Variants in BBS9 observed in about 807,000 individuals in gnomAD.
The protein encoded by BBS9 is protein PTHB1.
In BBS9, 89 loss-of-function variants were observed where a neutral mutation model predicts 117.7. The observed-to-expected ratio is 0.76, with a 90% CI of 0.64 to 0.90. The LOEUF (loss-of-function observed/expected upper bound fraction) is 0.90, where lower values mean the gene tolerates loss of function less well. Ranked by LOEUF, BBS9 falls within the 40% of genes least tolerant of loss-of-function variation. BBS9 has a pLI of 0.00. For missense variants in BBS9, 982 were observed against 1,042.2 expected (o/e 0.94, Z 0.80); for synonymous variants, 379 against 370.9 (o/e 1.02, Z -0.25).
chr7:33,237,992 G>C (rs937553059), intron 5 of BBS9, among the ~76,000 whole-genome samples: 13 of 152,264 alleles, frequency 8.5e-5, no homozygotes, highest in African/African-American at 3.1e-4. Context: ...CTCAAGAATA[G>C]AGAGCCATTT....
At chr7:33,274,961 C>T (rs1800475407) in intron 9 of BBS9, among the ~76,000 whole-genome samples, 1 of 146,772 alleles carries the variant, frequency 6.8e-6, no homozygotes, top group Non-Finnish European at 1.5e-5. Context: ...CACCACTGCA[C>T]TCCAGCCTGG....
intron 19 of BBS9, among the ~76,000 whole-genome samples, chr7:33,416,138 A>G (rs1831976819): frequency 6.6e-6 from 1 of 152,116 alleles, no homozygotes; most frequent in African/African-American, 2.4e-5. Flanking sequence ...CTGGCTTCAC[A>G]TAGTGTTTCT....
intron 9 of BBS9, among the ~76,000 whole-genome samples, chr7:33,294,345 C>CTATG (rs1554402530): frequency 3.0e-4 from 39 of 129,656 alleles, no homozygotes; most frequent in African/African-American, 1.0e-3. Context: ...ATCTATCTAT[C>CTATG]TATCTATCTC....
At chr7:33,441,703 G>C (rs1836219852) in intron 19 of BBS9, among the ~76,000 whole-genome samples, 2 of 152,030 alleles carry the variant, frequency 1.3e-5, no homozygotes, top group Non-Finnish European at 2.9e-5. Flanking sequence ...ACTAATGTAT[G>C]CTTTCATGAC....
intron 21 of BBS9, among the ~76,000 whole-genome samples, chr7:33,558,178 C>A (rs1855567978): frequency 6.6e-6 from 1 of 152,032 alleles, no homozygotes; most frequent in African/African-American, 2.4e-5. Flanking sequence ...TTATGGGGAA[C>A]AAAATAGACA....
intron 21 of BBS9, among the ~76,000 whole-genome samples, chr7:33,590,451 G>GTTTTT (rs1554551637): frequency 1.2e-5 from 1 of 84,492 alleles, no homozygotes; most frequent in Non-Finnish European, 2.1e-5. Flanking sequence ...TTGTTTTTTT[G>GTTTTT]TTTTTTTGTT....
chr7:33,260,014 T>TTG (rs1797710430), intron 6 of BBS9, among the ~76,000 whole-genome samples: 4 of 151,620 alleles, frequency 2.6e-5, no homozygotes. Context: ...CTTTTTTTTT[T>TTG]TTTGAGACTG....
chr7:33,362,044 T>C (rs1381921200), intron 16 of BBS9, among the ~76,000 whole-genome samples: 2 of 152,168 alleles, frequency 1.3e-5, no homozygotes, highest in Non-Finnish European at 2.9e-5. Flanking sequence ...TATTAGTAAT[T>C]CCTTATCCTG....
intron 4 of BBS9, among the ~76,000 whole-genome samples, chr7:33,172,800 G>A (rs1280135843): frequency 6.6e-6 from 1 of 152,092 alleles, no homozygotes; most frequent in African/African-American, 2.4e-5. Flanking sequence ...TAAGATTTTA[G>A]GCCTAAATAT....
intron 5 of BBS9, among the ~76,000 whole-genome samples, chr7:33,183,965 T>TA: frequency 6.6e-6 from 1 of 152,238 alleles, no homozygotes; most frequent in Non-Finnish European, 1.5e-5. Flanking sequence ...CAGAATATAG[T>TA]AAAAAACATT....
At chr7:33,472,557 G>T (rs1171636001) in intron 19 of BBS9, among the ~76,000 whole-genome samples, 1 of 152,186 alleles carries the variant, frequency 6.6e-6, no homozygotes. Context: ...TAACATGGAG[G>T]TTAGGTAGTG....
At chr7:33,548,258 A>G (rs1853738037) in intron 21 of BBS9, among the ~76,000 whole-genome samples, 1 of 152,172 alleles carries the variant, frequency 6.6e-6, no homozygotes, top group South Asian at 2.1e-4. Flanking sequence ...TAGCTTTTGA[A>G]AGACATCACT....
intron 21 of BBS9, among the ~76,000 whole-genome samples, chr7:33,549,578 C>G (rs1455476403): frequency 1.3e-5 from 2 of 150,754 alleles, no homozygotes; most frequent in African/African-American, 4.9e-5. Flanking sequence ...AACAAATTTA[C>G]AAGAAAAAAA....
In BBS9 at chr7:33,228,333, T is replaced by A. The variant is rs190406420; in HGVS notation, c.443-28903T>A. On this transcript the variant is annotated intron_variant, in intron 5 of 22. Transcript: ENST00000242067. ...CTTAAATCCTTCAATATTTATTTAG[T>A]TGAAGCAATTAAAAATAAAATAAAT... Among the ~76,000 whole-genome samples the A allele has an allele frequency of 2.0e-3, 300 of 152,282 alleles. 3 individuals carry two copies. The highest frequency in any genetic ancestry group is 1.9e-3 in the Non-Finnish European group (127 of 68,010).
intron 5 of BBS9, among the ~76,000 whole-genome samples, chr7:33,190,287 CT>C (rs1783905364): frequency 6.6e-6 from 1 of 151,824 alleles, no homozygotes; most frequent in Non-Finnish European, 1.5e-5. Flanking sequence ...ACTCGGCTAA[CT>C]TTTTGTATTT....
chr7:33,393,303 A>T (rs1415441894), intron 19 of BBS9, among the ~76,000 whole-genome samples: 1 of 152,234 alleles, frequency 6.6e-6, no homozygotes, highest in Non-Finnish European at 1.5e-5. Flanking sequence ...TCTTTGAAGG[A>T]TGGAATCTAT....
At chr7:33,469,583 C>T (rs986012977) in intron 19 of BBS9, among the ~76,000 whole-genome samples, 6 of 152,022 alleles carry the variant, frequency 3.9e-5, no homozygotes, top group South Asian at 2.1e-4. Context: ...AAATGGTTGA[C>T]GAAGTGGGAA....
At chr7:33,528,701 C>T (rs1047306003) in intron 20 of BBS9, among the ~76,000 whole-genome samples, 8 of 152,124 alleles carry the variant, frequency 5.3e-5, no homozygotes, top group Non-Finnish European at 1.2e-4. Flanking sequence ...GGAGACCTCA[C>T]GTGTACCCTA....
intron 21 of BBS9, among the ~76,000 whole-genome samples, chr7:33,552,476 T>C (rs1243138491): frequency 6.6e-6 from 1 of 152,148 alleles, no homozygotes; most frequent in African/African-American, 2.4e-5. Context: ...TGGGTTTCTC[T>C]CTTGGATTCC....
Sources: allele counts gnomAD v4.1 joint callset (sites outside exome capture counted in the v4.1 genomes callset), GRCh38; gene constraint gnomAD v4.1.1; transcripts MANE v1.5; gene names NCBI Gene and HGNC (gene_info 2026-07-23, HGNC 2026-07-21).